The following SEC61A2 variants were observed in gnomAD, a reference collection of about 807,000 sequenced individuals.
The protein encoded by SEC61A2 is SEC61 translocon subunit alpha 2.
A neutral mutation model predicts 59.9 loss-of-function variants in SEC61A2; 28 were observed. That is an observed-to-expected ratio of 0.47 (90% CI 0.35 to 0.64). The LOEUF (loss-of-function observed/expected upper bound fraction) is 0.64, where lower values mean the gene tolerates loss of function less well. Ranked by LOEUF, SEC61A2 falls within the 30% of genes least tolerant of loss-of-function variation. The pLI is 0.01. For synonymous variants in SEC61A2, 202 were observed against 214.4 expected (o/e 0.94, Z 0.50); for missense variants, 340 against 585.9 (o/e 0.58, Z 4.33).
rs778348373 is a variant in SEC61A2 at position 12,143,103 on chromosome 10, G to T, written c.142-14G>T. On this transcript the variant is annotated splice_polypyrimidine_tract_variant and intron_variant, in intron 3 of 11. Coordinates refer to ENST00000298428, the MANE Select transcript of SEC61A2 (RefSeq NM_018144.4). This position sits in a 1 kb window ranked among gnomAD's most constrained non-coding sequence, Gnocchi z 4.8. ...ATAATACAGTTTCATAAACTATTTT[G>T]TGTACTATTTTAGATCCCACTGTTT... 4 of 1,589,822 alleles carry T rather than the reference G, an allele frequency of 2.5e-6. No homozygotes were observed. Among genetic ancestry groups the T allele is most frequent in the East Asian group, 2.2e-5 (1 of 44,736 alleles).
At chr10:12,141,671 C>G (rs1485639639) in intron 3 of SEC61A2, among the ~76,000 whole-genome samples, 1 of 152,204 alleles carries the variant, frequency 6.6e-6, no homozygotes, top group Non-Finnish European at 1.5e-5. Context: ...TTCTGTGCAT[C>G]TATTTACAGT....
Position 12,129,793 on chromosome 10 carries a change from C to A in SEC61A2, c.6C>A (p.Gly2=), listed in dbSNP as rs777683554. The A allele has an allele frequency of 6.8e-7, 1 of 1,464,564 alleles. No individual in the cohort carries two copies. The highest frequency in any genetic ancestry group is 9.0e-7 in the Non-Finnish European group (1 of 1,110,172). The allele number at this position is 1,464,564 out of a possible 1,614,324, so 90.7% of individuals were successfully genotyped here. The change falls in exon 1 of 12, where the codon GGC becomes GGA. Residue 2 remains glycine, a splice_region_variant and synonymous_variant. Transcript: ENST00000298428. This position sits in a 1 kb window ranked among gnomAD's most constrained non-coding sequence, Gnocchi z 5.6. ...GGGCCTCCCCAGCAGCAGCCATGGG[C>A]AGTGAGTAGCGGCGGCTGGAGCGGG... M[G]IKFLEVIKPF...
rs1399278816 is a variant in SEC61A2 at position 12,155,713 on chromosome 10, G to A, written c.463-65G>A. ...GCCCCTAGCTTGGAAATAGCCAATG[G>A]TGTTCCTCTCCCCCTTTCTTGAGTT... On this transcript the variant is annotated intron_variant, in intron 6 of 11. Transcript: ENST00000298428. The surrounding 1 kb of genome is among the most constrained non-coding windows in gnomAD (Gnocchi z 4.3). The A allele has an allele frequency of 3.2e-6, 5 of 1,583,874 alleles. No individual in the cohort carries two copies. The highest frequency in any genetic ancestry group is 2.7e-5 in the African/African-American group (2 of 74,376).
rs61731911 is a variant in SEC61A2, at chr10:12,158,093, A to G, written c.963A>G (p.Leu321=). ...GTGGCAACTTTTTAGTAAATTTACTAGGACAGTGGGCCGTGAGTATTATGT... is the reference window on the plus strand; with the variant it reads ...GTGGCAACTTTTTAGTAAATTTACTGGGACAGTGGGCCGTGAGTATTATGT... ...RFSGNFLVNL[L]GQWADVSGGG... Residue 321 remains leucine, a synonymous_variant, in exon 9 of 12, where the codon CTA becomes CTG. Transcript: ENST00000298428. This position sits in a 1 kb window ranked among gnomAD's most constrained non-coding sequence, Gnocchi z 5.7. The G allele has an allele frequency of 3.1e-3, 4,961 of 1,611,270 alleles. 134 individuals carry two copies. The African/African-American group carries it at 0.058, about 19-fold the overall frequency.
chr10:12,140,753 G>C (rs914287121), intron 3 of SEC61A2, among the ~76,000 whole-genome samples: 1 of 149,442 alleles, frequency 6.7e-6, no homozygotes, highest in African/African-American at 2.5e-5. Flanking sequence ...GTGCCACCAC[G>C]CCCAGCTAAT....
Position 12,142,743 on chromosome 10 carries a change from T to G in SEC61A2, c.142-374T>G, listed in dbSNP as rs567926677. Among the ~76,000 whole-genome samples, 2 of 152,298 alleles carry G rather than the reference T, an allele frequency of 1.3e-5. No homozygotes were observed. The highest frequency in any genetic ancestry group is 3.9e-4 in the East Asian group (2 of 5,192). ...TACTAGTGAATGCACCAAGTGATGATTTGTTGTTTTTATTTTTATTTTCAC... is the reference window on the plus strand; with the variant it reads ...TACTAGTGAATGCACCAAGTGATGAGTTGTTGTTTTTATTTTTATTTTCAC... On this transcript the variant is annotated intron_variant, in intron 3 of 11. Transcript: ENST00000298428. This position sits in a 1 kb window ranked among gnomAD's most constrained non-coding sequence, Gnocchi z 5.4.
At chr10:12,166,578 A>G (rs529059259), downstream of SEC61A2, 2 of 340,294 alleles carry the variant, frequency 5.9e-6, no homozygotes, top group Non-Finnish European at 1.2e-5. Flanking sequence ...TTCTGGCATT[A>G]GCACTCTGAT....
rs541555699 is a variant in SEC61A2, at chr10:12,140,851, C to T, written c.142-2266C>T. ...TCCTGACCTCATGATCCACCCATCT[C>T]GACCTCCCAAAGTGCTGGGATTACA... On this transcript the variant is annotated intron_variant, in intron 3 of 11. Transcript: ENST00000298428. Among the ~76,000 whole-genome samples, 17 of 152,058 alleles carry T rather than the reference C, an allele frequency of 1.1e-4. 1 individual carries two copies. The highest frequency in any genetic ancestry group is 2.7e-4 in the African/African-American group (11 of 41,470).
At chr10:12,147,182 T>C (rs927367606) in intron 4 of SEC61A2, among the ~76,000 whole-genome samples, 1 of 152,222 alleles carries the variant, frequency 6.6e-6, no homozygotes, top group South Asian at 2.1e-4. Flanking sequence ...TGAGCCACCA[T>C]GTCTGCCTTA....
In SEC61A2 at chr10:12,156,394, C is replaced by T. The variant is rs1481262718; in HGVS notation, c.616+463C>T. On this transcript the variant is annotated intron_variant, in intron 7 of 11. Transcript: ENST00000298428. This position sits in a 1 kb window ranked among gnomAD's most constrained non-coding sequence, Gnocchi z 5.2. ...TGAAATATTTCATTCTCTCTTTCCC[C>T]TTCCTCATCTCCACTTCTAACAGAT... Among the ~76,000 whole-genome samples, 1 of 152,178 alleles carries T rather than the reference C, an allele frequency of 6.6e-6. No individual in the cohort carries two copies. Among genetic ancestry groups the T allele is most frequent in the Non-Finnish European group, 1.5e-5 (1 of 68,024 alleles).
intron 4 of SEC61A2, among the ~76,000 whole-genome samples, chr10:12,144,450 A>T (rs7919751): frequency 3.9e-5 from 6 of 152,060 alleles, no homozygotes; most frequent in Non-Finnish European, 8.8e-5. Context: ...ATTCCATTAT[A>T]AGGATACGCT....
At position 12,149,923 on chromosome 10, in the gene SEC61A2, G is replaced by A. The variant is rs1479543999; in HGVS notation, c.424G>A (p.Glu142Lys). The A allele has an allele frequency of 1.2e-6, 2 of 1,613,960 alleles. No homozygotes were observed. Among genetic ancestry groups the A allele is most frequent in the South Asian group, 2.2e-5 (2 of 91,084 alleles). Residue 142 changes from glutamate to lysine, a missense_variant, in exon 6 of 12, where the codon GAA (glutamate) becomes AAA (lysine). This residue lies in a region of SEC61A2 where 283 missense variants were observed against 483.2 expected (regional missense o/e 0.59). Transcript: ENST00000298428. The surrounding 1 kb of genome is among the most constrained non-coding windows in gnomAD (Gnocchi z 5.2). ...GACGGGGATGTATGGGGACCCTGCA[G>A]AAATGGGTGCCGGAATCTGTCTCCT... ...VMTGMYGDPA[E>K]MGAGICLLII...
Position 12,158,272 on chromosome 10 carries a change from A to G in SEC61A2, c.975+167A>G. 1 of 607,570 alleles carries G rather than the reference A, an allele frequency of 1.6e-6. No homozygotes were observed. Among genetic ancestry groups the G allele is most frequent in the Non-Finnish European group, 2.8e-6 (1 of 357,724 alleles). 37.6% of individuals were successfully genotyped at this position (607,570 alleles called of 1,614,324 possible). ...ATCTGGAAGAACTGGTAAGTGTTGC[A>G]GAAGTAAGATTGCCCAAGCGCTTTT... On this transcript the variant is annotated intron_variant, in intron 9 of 11. Transcript: ENST00000298428. The surrounding 1 kb of genome is among the most constrained non-coding windows in gnomAD (Gnocchi z 5.7).
chr10:12,141,510 TTTG>T, intron 3 of SEC61A2, among the ~76,000 whole-genome samples: 1 of 152,288 alleles, frequency 6.6e-6, no homozygotes, highest in East Asian at 1.9e-4. Context: ...TAAGTTGTTT[TTTG>T]TTGTTGTTTT....
rs566700592 is a variant in SEC61A2 at position 12,145,124 on chromosome 10, A to ATGT, written c.220+1932_220+1934dup. The stretch of plus-strand genomic sequence containing the variant: ...GAAGAGGGAGGAGTGATGGGACCTG[A>ATGT]TGTTGCAGATGTATCTAAGTCAGAT... On this transcript the variant is annotated intron_variant, in intron 4 of 11. Coordinates refer to ENST00000298428, the MANE Select transcript of SEC61A2 (RefSeq NM_018144.4). The surrounding 1 kb of genome is among the most constrained non-coding windows in gnomAD (Gnocchi z 4.4). 7.6e-4 allele frequency among the ~76,000 whole-genome samples: 115 copies of ATGT among 152,086 alleles called. 1 individual carries two copies. The highest frequency in any genetic ancestry group is 2.6e-3 in the African/African-American group (109 of 41,472).
In SEC61A2 at chr10:12,164,522, A is replaced by G; in HGVS notation, c.*68A>G. On this transcript the variant is annotated 3_prime_UTR_variant, in exon 12 of 12. Transcript: ENST00000298428. The surrounding 1 kb of genome is among the most constrained non-coding windows in gnomAD (Gnocchi z 7.3). The stretch of plus-strand genomic sequence containing the variant: ...TTTGACGGATCGTTTTTGTCAGATG[A>G]CACTGGTGGCTCCCCTTTTCTCCCC... 6.5e-7 allele frequency: 1 copy of G among 1,546,528 alleles called. No homozygotes were observed. Among genetic ancestry groups the G allele is most frequent in the Non-Finnish European group, 8.7e-7 (1 of 1,148,596 alleles).
downstream of SEC61A2, chr10:12,165,455 C>T: frequency 1.4e-6 from 1 of 737,028 alleles, no homozygotes; most frequent in Non-Finnish European, 1.7e-6. Flanking sequence ...ATAAGAAGTC[C>T]ACCCTGAGAT....
intron 9 of SEC61A2, among the ~76,000 whole-genome samples, chr10:12,159,331 T>A (rs927488035): frequency 6.6e-6 from 1 of 152,124 alleles, no homozygotes; most frequent in Non-Finnish European, 1.5e-5. Context: ...TGAGTTACTG[T>A]GGGACTGAAT....
Position 12,164,808 on chromosome 10 carries a change from T to C in SEC61A2, c.*354T>C. 9.8e-7 allele frequency: 1 copy of C among 1,022,972 alleles called. No homozygotes were observed. Among genetic ancestry groups the C allele is most frequent in the Non-Finnish European group, 1.2e-6 (1 of 854,472 alleles). The allele number at this position is 1,022,972 out of a possible 1,614,324, so 63.4% of individuals were successfully genotyped here. On this transcript the variant is annotated 3_prime_UTR_variant, in exon 12 of 12. Coordinates refer to ENST00000298428, the MANE Select transcript of SEC61A2 (RefSeq NM_018144.4). The surrounding 1 kb of genome is among the most constrained non-coding windows in gnomAD (Gnocchi z 7.3). The stretch of plus-strand genomic sequence containing the variant: ...CATATTGCCCCCACTTGTTGAAAAA[T>C]AAATGTAGTTCAAATTGCCACTTTC...
Sources: gnomAD v4.1 joint callset for allele counts (sites outside exome capture counted in the v4.1 genomes callset) on GRCh38, gnomAD v4.1.1 for gene constraint, gnomAD v4.1.1 regional missense constraint, Gnocchi (gnomAD v3.1) non-coding constraint, MANE v1.5 for transcripts, NCBI Gene and HGNC (gene_info 2026-07-23, HGNC 2026-07-21) for gene names.